The following TPRN variants were observed in gnomAD, a reference collection of about 807,000 sequenced individuals.
The protein encoded by TPRN is taperin.
In TPRN, 32 loss-of-function variants were observed where a neutral mutation model predicts 42.6. That is an observed-to-expected ratio of 0.75 (90% CI 0.57 to 1.01). The LOEUF (loss-of-function observed/expected upper bound fraction) is 1.01, where lower values mean the gene tolerates loss of function less well. Ranked by LOEUF, TPRN falls within the 50% of genes least tolerant of loss-of-function variation. The probability of loss-of-function intolerance (pLI) is 0.00; values close to 1 mark genes in which losing one functional copy is unlikely to be tolerated. For synonymous variants in TPRN, 541 were observed against 445.6 expected (o/e 1.21, Z -2.70); for missense variants, 1,095 against 957.5 (o/e 1.14, Z -1.90).
At chr9:137,196,790 C>T (rs1045316545) in intron 1 of TPRN, among the ~76,000 whole-genome samples, 2 of 152,204 alleles carry the variant, frequency 1.3e-5, no homozygotes, top group Non-Finnish European at 1.5e-5. Context: ...CCTCTGTCCC[C>T]TCCTGATGGA....
In TPRN at chr9:137,199,225, C is replaced by G. The variant is rs753923691; in HGVS notation, c.1487G>C (p.Arg496Pro). Reference sequence around the variant, plus strand: ...CACCACTGTGAAGGTGTTGCTGCCCCGGGGCTGAAGCTCTGCCACGCACCC... The same window carrying G: ...CACCACTGTGAAGGTGTTGCTGCCCGGGGGCTGAAGCTCTGCCACGCACCC... ...RPGCVAELQP[R>P]GSNTFTVVPK... Residue 496 changes from arginine (R) to proline (P), a missense_variant, in exon 1 of 4, where the codon CGG becomes CCG. Physicochemically the swap from Arg to Pro is moderately radical, Grantham distance 103. Transcript: ENST00000409012. The G allele has an allele frequency of 6.2e-7, 1 of 1,612,912 alleles. No individual in the cohort carries two copies. Among genetic ancestry groups the G allele is most frequent in the Admixed American group, 1.7e-5 (1 of 60,002 alleles).
Position 137,199,018 on chromosome 9 carries a change from C to G in TPRN, c.1694G>C (p.Cys565Ser). ...IGGYLALQKS[C>S]LTKAGSSRKK... is the part of the protein sequence containing the mutation. ...TCTTGAGGAGCCAGCCTTGGTGAGGCAGGACTTCTGCAGGGCCAGGTAGCC... is the reference window on the plus strand; with the variant it reads ...TCTTGAGGAGCCAGCCTTGGTGAGGGAGGACTTCTGCAGGGCCAGGTAGCC... Residue 565 changes from cysteine to serine, a missense_variant, in exon 1 of 4, where the codon TGC (cysteine) becomes TCC (serine). Physicochemically the swap from Cys to Ser is moderately radical, Grantham distance 112. Transcript: ENST00000409012. 3.1e-6 allele frequency: 5 copies of G among 1,613,066 alleles called. No homozygotes were observed. The highest frequency in any genetic ancestry group is 4.2e-6 in the Non-Finnish European group (5 of 1,179,992).
chr9:137,198,881 C>T (rs1419946360), intron 1 of TPRN, 106 bp downstream of exon 1: 1 of 1,589,362 alleles, frequency 6.3e-7, no homozygotes, highest in Non-Finnish European at 8.5e-7. Context: ...AGAAACCATC[C>T]TTTGCCCAGG....
Position 137,191,916 on chromosome 9 carries a change from C to G in TPRN, c.*196G>C. ...ACCCCACTTCCCCCTTGGACCCTCC[C>G]AAATCAGGGCCGGGGAGTGAGACCC... is the stretch of plus-strand genomic sequence containing the variant. On this transcript the variant is annotated 3_prime_UTR_variant, in exon 4 of 4. Transcript: ENST00000409012. 1.4e-6 allele frequency: 1 copy of G among 704,932 alleles called. No individual in the cohort carries two copies. Among genetic ancestry groups the G allele is most frequent in the East Asian group, 2.7e-5 (1 of 36,424 alleles). 43.7% of individuals were successfully genotyped at this position (704,932 alleles called of 1,614,324 possible).
intron 1 of TPRN, among the ~76,000 whole-genome samples, chr9:137,197,575 G>A (rs1471356619): frequency 6.6e-6 from 1 of 152,210 alleles, no homozygotes; most frequent in Admixed American, 6.5e-5. Context: ...TGACTCCCAA[G>A]CTGAGGCGCA....
Position 137,191,943 on chromosome 9 carries a change from G to A in TPRN, c.*169C>T. The A allele has an allele frequency of 2.4e-6, 2 of 818,822 alleles. No individual in the cohort carries two copies. The highest frequency in any genetic ancestry group is 4.1e-5 in the Admixed American group (2 of 49,024). 50.7% of individuals were successfully genotyped at this position (818,822 alleles called of 1,614,324 possible). A position where few individuals can be genotyped will look rare whatever the true frequency, so the allele number is the denominator to read the frequency against. ...AATCAGGGCCGGGGAGTGAGACCCA[G>A]ACCTGGCCCCGATGGCAGGAGGCAC... On this transcript the variant is annotated 3_prime_UTR_variant, in exon 4 of 4. Coordinates refer to ENST00000409012, the MANE Select transcript of TPRN (RefSeq NM_001128228.3).
rs900671300 is a variant in TPRN, at chr9:137,200,616, C to A, written c.96G>T (p.Ala32=). 83 of 1,165,976 alleles carry A rather than the reference C, an allele frequency of 7.1e-5. No homozygotes were observed. Among genetic ancestry groups the A allele is most frequent in the Non-Finnish European group, 8.2e-5 (78 of 948,190 alleles). The allele number at this position is 1,165,976 out of a possible 1,614,324, so 72.2% of individuals were successfully genotyped here. ...ILERKRAKLA[A]LGGGAGPGAA... is the part of the protein sequence containing the mutation. The stretch of plus-strand genomic sequence containing the variant: ...CCCCGGGCCCCGCGCCCCCGCCCAG[C>A]GCGGCTAGCTTGGCCCGCTTCCGCT... Residue 32 remains alanine, a synonymous_variant, in exon 1 of 4, where the codon GCG becomes GCT. Coordinates refer to ENST00000409012, the MANE Select transcript of TPRN (RefSeq NM_001128228.3). This position sits in a 1 kb window ranked among gnomAD's most constrained non-coding sequence, Gnocchi z 4.3.
rs1217974281 is a variant in TPRN, at chr9:137,191,898, T to C, written c.*214A>G. The C allele has an allele frequency of 4.7e-6, 3 of 644,560 alleles. No homozygotes were observed. The highest frequency in any genetic ancestry group is 5.5e-6 in the Non-Finnish European group (2 of 364,420). 39.9% of individuals were successfully genotyped at this position (644,560 alleles called of 1,614,324 possible). ...ACCCACAGGCAGTTCCCCACCCCAC[T>C]TCCCCCTTGGACCCTCCCAAATCAG... On this transcript the variant is annotated 3_prime_UTR_variant, in exon 4 of 4. Transcript: ENST00000409012.
chr9:137,199,774 C>A lies in TPRN; in HGVS notation c.938G>T (p.Gly313Val). The change falls in exon 1 of 4, where the codon GGG becomes GTG. Residue 313 changes from glycine (G) to valine (V), a missense_variant. Transcript: ENST00000409012. ...GGCCAGCGCCCGGGCCTGGAGGTCC[C>A]CCAAGGGGATGGTCTCCATAACTGG... ...PKPVMETIPL[G>V]DLQARALASL... is the part of the protein sequence containing the mutation. 2 of 1,610,412 alleles carry A rather than the reference C, an allele frequency of 1.2e-6. No homozygotes were observed. Among genetic ancestry groups the A allele is most frequent in the Non-Finnish European group, 1.7e-6 (2 of 1,179,000 alleles).
At chr9:137,197,997 A>G (rs1345789012) in intron 1 of TPRN, among the ~76,000 whole-genome samples, 1 of 152,198 alleles carries the variant, frequency 6.6e-6, no homozygotes, top group Non-Finnish European at 1.5e-5. Context: ...AGAGGGAGGC[A>G]GCAGCCTATC....
rs79139547 is a variant in TPRN at position 137,198,977 on chromosome 9, C to G, written c.1725+10G>C. 5,079 of 1,612,698 alleles carry G rather than the reference C, an allele frequency of 3.1e-3. 137 individuals carry two copies. In the African/African-American group the frequency reaches 0.055, roughly 17 times the overall value. ...CCCTGCCAGCCAGTGGCCCTGCCCCCACCACTGACCTTCTTTCTTGAGGAG... is the reference window on the plus strand; with the variant it reads ...CCCTGCCAGCCAGTGGCCCTGCCCCGACCACTGACCTTCTTTCTTGAGGAG... On this transcript the variant is annotated intron_variant, in intron 1 of 3. Transcript: ENST00000409012.
chr9:137,192,246 C>T lies in TPRN; in HGVS notation c.2073+13G>A, dbSNP rs772502340. 24 of 1,613,060 alleles carry T rather than the reference C, an allele frequency of 1.5e-5. No individual in the cohort carries two copies. The highest frequency in any genetic ancestry group is 8.3e-5 in the Admixed American group (5 of 60,012). On this transcript the variant is annotated intron_variant, in intron 3 of 3. Coordinates refer to ENST00000409012, the MANE Select transcript of TPRN (RefSeq NM_001128228.3). ...TCAGACTCCCCCCAGCGCTCCACTC[C>T]CCCGCATCTCACCATGGCCTCCACG... is the stretch of plus-strand genomic sequence containing the variant.
chr9:137,197,278 T>G (rs1289192571), intron 1 of TPRN, among the ~76,000 whole-genome samples: 1 of 152,116 alleles, frequency 6.6e-6, no homozygotes, highest in Non-Finnish European at 1.5e-5. Context: ...TTTTTATATC[T>G]TCTTAGTAGA....
chr9:137,200,323 G>A lies in TPRN; in HGVS notation c.389C>T (p.Pro130Leu), dbSNP rs1206857823. ...CTCCAGTAGGCGGCTGACGCGGCCGGGCGGCGCCCCGTACACCAGCACCTC... is the reference window on the plus strand; with the variant it reads ...CTCCAGTAGGCGGCTGACGCGGCCGAGCGGCGCCCCGTACACCAGCACCTC... ...AAEVLVYGAP[P>L]GRVSRLLERF... The change falls in exon 1 of 4, where the codon CCC becomes CTC. Residue 130 changes from proline (P) to leucine (L), a missense_variant. Coordinates refer to ENST00000409012, the MANE Select transcript of TPRN (RefSeq NM_001128228.3). This position sits in a 1 kb window ranked among gnomAD's most constrained non-coding sequence, Gnocchi z 4.3. The A allele has an allele frequency of 3.0e-6, 3 of 1,008,866 alleles. No individual in the cohort carries two copies. The highest frequency in any genetic ancestry group is 3.5e-6 in the Non-Finnish European group (3 of 848,396). 62.5% of individuals were successfully genotyped at this position (1,008,866 alleles called of 1,614,324 possible).
chr9:137,192,447 T>C lies in TPRN; in HGVS notation c.1966+4A>G, dbSNP rs766208930. On this transcript the variant is annotated splice_donor_region_variant and intron_variant, in intron 2 of 3. Coordinates refer to ENST00000409012, the MANE Select transcript of TPRN (RefSeq NM_001128228.3). ...GGCTGCCTGTCCCCCAGGTGGGCAC[T>C]CACCTGAGCTACCCTCTGGCAGCCG... The C allele has an allele frequency of 5.0e-6, 8 of 1,607,498 alleles. No homozygotes were observed. Among genetic ancestry groups the C allele is most frequent in the Non-Finnish European group, 6.8e-6 (8 of 1,177,546 alleles).
At position 137,192,580 on chromosome 9, in the gene TPRN, C is replaced by T. The variant is rs368849762; in HGVS notation, c.1837G>A (p.Glu613Lys). 2.7e-5 allele frequency: 44 copies of T among 1,611,628 alleles called. No homozygotes were observed. The East Asian group carries it at 6.9e-4, about 25-fold the overall frequency. Residue 613 changes from glutamate to lysine, a missense_variant, in exon 2 of 4, where the codon GAG (glutamate) becomes AAG (lysine). Transcript: ENST00000409012. ...TCTTCCTCCTCTTCCTCTTCCTCCT[C>T]CTCCTCCTCCTCCTCCTCCTGCTGG... ...VDQQEEEEEE[E>K]EEEEEEEEGS...
chr9:137,193,093 C>A (rs1485340581), intron 1 of TPRN: 2 of 246,272 alleles, frequency 8.1e-6, no homozygotes, highest in Non-Finnish European at 1.6e-5. Context: ...AGAGCAGGAA[C>A]AGGGTGGAAA....
chr9:137,192,714 C>G (rs763453113), intron 1 of TPRN, 23 bp from the exon 2 acceptor site: 2 of 1,612,324 alleles, frequency 1.2e-6, no homozygotes, highest in Admixed American at 1.7e-5. Flanking sequence ...GTCACGTGAA[C>G]GAGGGCTGAG....
intron 1 of TPRN, among the ~76,000 whole-genome samples, chr9:137,198,270 G>C (rs1834736374): frequency 6.6e-6 from 1 of 152,246 alleles, no homozygotes; most frequent in Non-Finnish European, 1.5e-5. Context: ...GGAATTACCA[G>C]AAAGAATCTG....
Sources: allele counts gnomAD v4.1 joint callset (sites outside exome capture counted in the v4.1 genomes callset), GRCh38; gene constraint gnomAD v4.1.1; non-coding constraint Gnocchi (gnomAD v3.1); transcripts MANE v1.5; gene names NCBI Gene and HGNC (gene_info 2026-07-23, HGNC 2026-07-21).